Variants in MAGI2 observed in about 807,000 individuals in gnomAD.
MAGI2 encodes membrane-associated guanylate kinase, WW and PDZ domain-containing protein 2.
In MAGI2, 35 loss-of-function variants were observed where a neutral mutation model predicts 133.3. That is an observed-to-expected ratio of 0.26 (90% CI 0.20 to 0.35). The LOEUF is 0.35. Ranked by LOEUF, MAGI2 falls within the 10% of genes least tolerant of loss-of-function variation. MAGI2 has a pLI of 1.00. For missense variants in MAGI2, 1,636 were observed against 1,863.4 expected (o/e 0.88, Z 2.25); for synonymous variants, 729 against 710.6 (o/e 1.03, Z -0.41).
intron 3 of MAGI2, among the ~76,000 whole-genome samples, chr7:78,538,079 T>C (rs1353370980): frequency 2.0e-5 from 3 of 152,288 alleles, no homozygotes; most frequent in Middle Eastern, 3.4e-3. Context: ...ATTTGTTGAA[T>C]AGGATGCCCT....
intron 2 of MAGI2, among the ~76,000 whole-genome samples, chr7:78,984,764 G>A (rs1805092426): frequency 6.6e-6 from 1 of 151,792 alleles, no homozygotes; most frequent in Non-Finnish European, 1.5e-5. Flanking sequence ...TTTCTTTGTA[G>A]CACTGATTTT....
rs1306383624 is a variant in MAGI2 at position 78,578,573 on chromosome 7, C to T, written c.538+48547G>A. Among the ~76,000 whole-genome samples, 9 of 152,018 alleles carry T rather than the reference C, an allele frequency of 5.9e-5. No homozygotes were observed. The East Asian group carries it at 1.2e-3, about 20-fold the overall frequency. Reference sequence around the variant, plus strand: ...AGGATTATTTTTTATTTTTATCCTTCTCTAAAGCTAACTAGAATTATGGAG... The same window carrying T: ...AGGATTATTTTTTATTTTTATCCTTTTCTAAAGCTAACTAGAATTATGGAG... On this transcript the variant is annotated intron_variant, in intron 3 of 21. Coordinates refer to ENST00000354212, the MANE Select transcript of MAGI2 (RefSeq NM_012301.4).
At chr7:78,801,285 G>A (rs1788035947) in intron 2 of MAGI2, among the ~76,000 whole-genome samples, 2 of 152,148 alleles carry the variant, frequency 1.3e-5, no homozygotes, top group South Asian at 4.1e-4. Context: ...TCAATAATCA[G>A]AAAGCAAGTA....
intron 1 of MAGI2, among the ~76,000 whole-genome samples, chr7:79,192,626 T>C (rs188036586): frequency 6.6e-6 from 1 of 151,788 alleles, no homozygotes; most frequent in Non-Finnish European, 1.5e-5. Flanking sequence ...AATTGCTAGA[T>C]AGAATCTAGG....
intron 2 of MAGI2, among the ~76,000 whole-genome samples, chr7:78,969,879 A>C (rs912399664): frequency 2.0e-5 from 3 of 152,006 alleles, no homozygotes; most frequent in Admixed American, 6.6e-5. Context: ...GCACGTATGA[A>C]TCCTCAAAGC....
chr7:79,185,539 G>C (rs1032384970), intron 1 of MAGI2, among the ~76,000 whole-genome samples: 1 of 123,102 alleles, frequency 8.1e-6, no homozygotes, highest in South Asian at 2.3e-4. Context: ...TTTTTTTGTA[G>C]TCAATGGCAT....
rs576831722 is a variant in MAGI2, at chr7:78,850,892, TTTAA to T, written c.418+156194_418+156197del. 6.3e-4 allele frequency among the ~76,000 whole-genome samples: 96 copies of T among 152,240 alleles called. 1 individual carries two copies. Among genetic ancestry groups the T allele is most frequent in the African/African-American group, 2.1e-3 (88 of 41,560 alleles). ...AACAAAGATACTGAATAGGTAGAACTTTAATTAATTTTTCCTCAGTGACTTTTTT... is the reference window on the plus strand; with the variant it reads ...AACAAAGATACTGAATAGGTAGAACTTTAATTTTTCCTCAGTGACTTTTTT... On this transcript the variant is annotated intron_variant, in intron 2 of 21. Transcript: ENST00000354212.
chr7:79,037,018 G>A (rs186506295), intron 1 of MAGI2, among the ~76,000 whole-genome samples: 2 of 152,276 alleles, frequency 1.3e-5, no homozygotes, highest in Admixed American at 1.3e-4. Flanking sequence ...CAAAATCCAA[G>A]ATAAAACTTT....
chr7:78,629,110 T>C (rs2150959259), intron 2 of MAGI2, among the ~76,000 whole-genome samples: 1 of 152,266 alleles, frequency 6.6e-6, no homozygotes, highest in South Asian at 2.1e-4. Flanking sequence ...AACATGGCTG[T>C]ACCAAATTTT....
At chr7:79,076,290 G>T (rs575382283) in intron 1 of MAGI2, among the ~76,000 whole-genome samples, 1 of 152,304 alleles carries the variant, frequency 6.6e-6, no homozygotes, top group South Asian at 2.1e-4. Flanking sequence ...ATGGACTGGG[G>T]TTCTCAAGGT....
chr7:78,284,005 C>CACAACATTAAATAA (rs776918757), intron 9 of MAGI2, among the ~76,000 whole-genome samples: 53 of 151,976 alleles, frequency 3.5e-4, no homozygotes, highest in Non-Finnish European at 6.9e-4. Context: ...AGGTGTTTAA[C>CACAACATTAAATAA]ACAACATTAA....
chr7:79,220,128 C>T (rs1232309522), intron 1 of MAGI2, among the ~76,000 whole-genome samples: 4 of 151,998 alleles, frequency 2.6e-5, no homozygotes, highest in African/African-American at 9.7e-5. Flanking sequence ...GAAGCCAAAG[C>T]TAAACCAACA....
rs568057876 is a variant in MAGI2 at position 78,624,912 on chromosome 7, T to C, written c.538+2208A>G. ...TGTTATTTTAGGAGTGTATTCCTTCTACTTATTAAAAAACGTTAACTGTTA... is the reference window on the plus strand; with the variant it reads ...TGTTATTTTAGGAGTGTATTCCTTCCACTTATTAAAAAACGTTAACTGTTA... On this transcript the variant is annotated intron_variant, in intron 3 of 21. Coordinates refer to ENST00000354212, the MANE Select transcript of MAGI2 (RefSeq NM_012301.4). 6.1e-4 allele frequency among the ~76,000 whole-genome samples: 93 copies of C among 152,272 alleles called. 1 individual carries two copies. In the South Asian group the frequency reaches 0.019, roughly 31 times the overall value.
chr7:78,852,069 C>A, intron 2 of MAGI2, among the ~76,000 whole-genome samples: 1 of 152,082 alleles, frequency 6.6e-6, no homozygotes, highest in South Asian at 2.1e-4. Flanking sequence ...TTTTTAAAGT[C>A]TTGTCGATAT....
intron 5 of MAGI2, among the ~76,000 whole-genome samples, chr7:78,494,348 A>G (rs1009679094): frequency 2.0e-5 from 3 of 152,166 alleles, no homozygotes; most frequent in Admixed American, 6.6e-5. Context: ...TATAATCTAC[A>G]TATGAATATT....
chr7:79,248,658 T>A (rs7459140), intron 1 of MAGI2, among the ~76,000 whole-genome samples: 99,980 of 151,860 alleles, frequency 0.66, 33,384 homozygotes, highest in Non-Finnish European at 0.71. Context: ...AACTAAAATA[T>A]TATCCAGTAT....
intron 10 of MAGI2, among the ~76,000 whole-genome samples, chr7:78,210,963 G>T (rs1438578776): frequency 6.6e-6 from 1 of 152,160 alleles, no homozygotes; most frequent in Non-Finnish European, 1.5e-5. Context: ...TGGGGTTGAA[G>T]AAGCAGTGTC....
At chr7:78,920,736 T>C (rs1799161814) in intron 2 of MAGI2, among the ~76,000 whole-genome samples, 1 of 152,070 alleles carries the variant, frequency 6.6e-6, no homozygotes, top group South Asian at 2.1e-4. Flanking sequence ...GAAAGAAAAA[T>C]ATTAGTCTCT....
chr7:79,127,235 A>G (rs888123766), intron 1 of MAGI2, among the ~76,000 whole-genome samples: 11 of 152,098 alleles, frequency 7.2e-5, no homozygotes, highest in Non-Finnish European at 1.6e-4. Flanking sequence ...AGTCTTTGCT[A>G]TTGTGAATGG....
Sources: allele counts gnomAD v4.1 joint callset (sites outside exome capture counted in the v4.1 genomes callset), GRCh38; gene constraint gnomAD v4.1.1; transcripts MANE v1.5; gene names NCBI Gene and HGNC (gene_info 2026-07-23, HGNC 2026-07-21).